The following PAFAH2 variants were observed in gnomAD, a reference collection of about 807,000 sequenced individuals.
The protein encoded by PAFAH2 is platelet-activating factor acetylhydrolase 2, cytoplasmic.
Under a neutral mutation model 49.0 loss-of-function variants are expected in PAFAH2, and 42 were observed. That is an observed-to-expected ratio of 0.86 (90% CI 0.67 to 1.11). The LOEUF (loss-of-function observed/expected upper bound fraction) is 1.11, where lower values mean the gene tolerates loss of function less well. Among genes scored for constraint, PAFAH2 ranks in the 50% least tolerant of loss-of-function variants. PAFAH2 has a pLI of 0.00. For missense variants in PAFAH2, 503 were observed against 501.8 expected (o/e 1.00, Z -0.02); for synonymous variants, 184 against 181.3 (o/e 1.01, Z -0.12).
Position 25,989,531 on chromosome 1 carries a change from G to T in PAFAH2, c.161C>A (p.Pro54His), listed in dbSNP as rs757540608. 6.2e-7 allele frequency: 1 copy of T among 1,612,930 alleles called. No homozygotes were observed. The highest frequency in any genetic ancestry group is 8.5e-7 in the Non-Finnish European group (1 of 1,179,470). The change falls in exon 3 of 11, where the codon CCC becomes CAC. Residue 54 changes from proline to histidine, a missense_variant. Physicochemically the swap from Pro to His is moderately conservative, Grantham distance 77 (BLOSUM62 -2). Transcript: ENST00000374282. ...EETMEQPLWI[P>H]RYEYCTGLAE... ...CAGGCCAGTGCAGTACTCATAGCGG[G>T]GAATCCACAGGGGCTGCTCCATGGT... is the stretch of plus-strand genomic sequence containing the variant.
intron 10 of PAFAH2, among the ~76,000 whole-genome samples, chr1:25,969,756 A>T (rs1280022503): frequency 1.3e-5 from 2 of 152,092 alleles, no homozygotes; most frequent in Non-Finnish European, 2.9e-5. Context: ...CTCAACGGGT[A>T]TTGCTTTTAA....
chr1:25,971,492 C>A (rs2049508772), intron 10 of PAFAH2, among the ~76,000 whole-genome samples: 1 of 152,054 alleles, frequency 6.6e-6, no homozygotes, highest in East Asian at 1.9e-4. Context: ...GAATAAACAG[C>A]TGCTATCAGT....
In PAFAH2 at chr1:25,962,086, GA is replaced by G. The variant is rs557233953; in HGVS notation, c.1085-4del. On this transcript the variant is annotated splice_polypyrimidine_tract_variant and splice_region_variant and intron_variant, in intron 10 of 10. Transcript: ENST00000374282. ...TTGATTATAGTCTTCTTTCAGGTCT[GA>G]AAAGGAAAAAAACAGGAACATTAGG... 2.4e-5 allele frequency: 38 copies of G among 1,608,390 alleles called. No individual in the cohort carries two copies. In the Admixed American group the frequency reaches 3.7e-4, roughly 16 times the overall value.
chr1:25,985,008 C>G (rs2049760262), intron 4 of PAFAH2, among the ~76,000 whole-genome samples: 1 of 152,078 alleles, frequency 6.6e-6, no homozygotes, highest in South Asian at 2.1e-4. Context: ...GCGTGCACCA[C>G]CATGCCCGGC....
chr1:25,997,809 G>T (rs2049957055), intron 1 of PAFAH2, among the ~76,000 whole-genome samples: 1 of 152,148 alleles, frequency 6.6e-6, no homozygotes, highest in Non-Finnish European at 1.5e-5. Context: ...GGAGCTCAGT[G>T]GGGATTCCAG....
chr1:25,988,267 G>A lies in PAFAH2; in HGVS notation c.305C>T (p.Pro102Leu), dbSNP rs200777839. 8 of 1,609,644 alleles carry A rather than the reference G, an allele frequency of 5.0e-6. No homozygotes were observed. The African/African-American group carries it at 9.4e-5, about 19-fold the overall frequency. ...GPFKTKDSGY[P>L]LIIFSHGLGA... ...TAGGCCATGGGAGAAGATGATCAAGGGGTATCCAGAGTCCTTTGTCTTAAA... is the reference window on the plus strand; with the variant it reads ...TAGGCCATGGGAGAAGATGATCAAGAGGTATCCAGAGTCCTTTGTCTTAAA... Residue 102 changes from proline to leucine, a missense_variant, in exon 4 of 11, where the codon CCC becomes CTC. Coordinates refer to ENST00000374282, the MANE Select transcript of PAFAH2 (RefSeq NM_000437.4).
intron 7 of PAFAH2, among the ~76,000 whole-genome samples, chr1:25,979,095 C>A (rs995438770): frequency 6.6e-6 from 1 of 152,214 alleles, no homozygotes; most frequent in African/African-American, 2.4e-5. Context: ...TTGATGATAT[C>A]AATTGCCACA....
chr1:25,969,722 G>A (rs1007324847), intron 10 of PAFAH2, among the ~76,000 whole-genome samples: 2 of 152,154 alleles, frequency 1.3e-5, no homozygotes, highest in African/African-American at 2.4e-5. Context: ...TCTGCTAGCA[G>A]GTTTCTAACA....
Position 25,976,755 on chromosome 1 carries a change from G to A in PAFAH2, c.685C>T (p.Arg229Cys), listed in dbSNP as rs753095919. 11 of 1,613,964 alleles carry A rather than the reference G, an allele frequency of 6.8e-6. No homozygotes were observed. Among genetic ancestry groups the A allele is most frequent in the South Asian group, 3.3e-5 (3 of 91,076 alleles). ...AATGAATGTCCCATCACAGCCACAC[G>A]GCTCATGTCAATGTTGCCCTGAGGA... is the stretch of plus-strand genomic sequence containing the variant. ...MTLKGNIDMS[R>C]VAVMGHSFGG... is the part of the protein sequence containing the mutation. The change falls in exon 8 of 11, where the codon CGT becomes TGT. Residue 229 changes from arginine (R) to cysteine (C), a missense_variant. Coordinates refer to ENST00000374282, the MANE Select transcript of PAFAH2 (RefSeq NM_000437.4).
chr1:25,982,528 C>A (rs980486721), intron 6 of PAFAH2, 51 bp from the exon 7 acceptor site: 1 of 1,360,282 alleles, frequency 7.4e-7, no homozygotes. Context: ...AACTGTCCAG[C>A]GAGAATCTCC....
At chr1:25,989,098 A>G (rs892264182) in intron 3 of PAFAH2, among the ~76,000 whole-genome samples, 11 of 152,214 alleles carry the variant, frequency 7.2e-5, no homozygotes, top group African/African-American at 2.7e-4. Context: ...AGGAGCAATC[A>G]GTGCCATTTA....
chr1:25,989,719 G>A (rs979297716), intron 2 of PAFAH2, 118 bp from the exon 3 acceptor site: 27 of 755,056 alleles, frequency 3.6e-5, no homozygotes, highest in Non-Finnish European at 4.6e-5. Context: ...CAGGGAAACT[G>A]AAGTTTCAAT....
chr1:25,990,835 A>G lies in PAFAH2; in HGVS notation c.-19T>C, dbSNP rs751662931. 30 of 1,607,960 alleles carry G rather than the reference A, an allele frequency of 1.9e-5. 1 individual carries two copies. The South Asian group carries it at 3.3e-4, about 18-fold the overall frequency. On this transcript the variant is annotated 5_prime_UTR_variant, in exon 2 of 11. Transcript: ENST00000374282. The stretch of plus-strand genomic sequence containing the variant: ...CCCCCATTTCATCACCGGGTGAATC[A>G]AATGACTTGCCGGAGCTGAACTTGC...
Position 25,989,547 on chromosome 1 carries a change from G to A in PAFAH2, c.145C>T (p.Gln49Ter). ...PCQKAEETME[Q>*]PLWIPRYEYC... ...TCATAGCGGGGAATCCACAGGGGCTGCTCCATGGTCTCCTCTGCCTTTTGG... is the reference window on the plus strand; with the variant it reads ...TCATAGCGGGGAATCCACAGGGGCTACTCCATGGTCTCCTCTGCCTTTTGG... The change falls in exon 3 of 11, where the codon CAG becomes TAG. Residue 49 changes from glutamine to a stop codon, truncating the protein, a stop_gained. Coordinates refer to ENST00000374282, the MANE Select transcript of PAFAH2 (RefSeq NM_000437.4). LOFTEE classifies it high-confidence loss of function. 2.5e-6 allele frequency: 4 copies of A among 1,612,348 alleles called. No homozygotes were observed. The Middle Eastern group carries it at 4.9e-4, about 199-fold the overall frequency.
rs2782814 is a variant in PAFAH2 at position 25,960,349 on chromosome 1, G to A, written c.*1640C>T. ...CTCTTACCTACTTGGACTGAGGCAC[G>A]AAGTCTTGAGTAGTGGAGAAGAGAG... On this transcript the variant is annotated 3_prime_UTR_variant, in exon 11 of 11. Transcript: ENST00000374282. 31,287 of 152,582 alleles carry A rather than the reference G, an allele frequency of 0.21. 3,489 individuals are homozygous for A. The highest frequency in any genetic ancestry group is 0.28 in the African/African-American group (11,615 of 41,484). The allele number at this position is 152,582 out of a possible 1,614,324, so 9.5% of individuals were successfully genotyped here.
intron 10 of PAFAH2, among the ~76,000 whole-genome samples, chr1:25,963,565 T>C (rs910445842): frequency 6.6e-6 from 1 of 152,096 alleles, no homozygotes; most frequent in African/African-American, 2.4e-5. Flanking sequence ...AGTGCAGTGG[T>C]CAATCTCGGC....
intron 10 of PAFAH2, chr1:25,964,255 C>T (rs1358804723): frequency 6.6e-6 from 1 of 152,310 alleles, no homozygotes; most frequent in African/African-American, 2.4e-5. Flanking sequence ...GAGCACGGCG[C>T]TTGCACAAGG....
chr1:25,989,230 CTT>C (rs2049835748), intron 3 of PAFAH2, among the ~76,000 whole-genome samples: 1 of 152,168 alleles, frequency 6.6e-6, no homozygotes, highest in South Asian at 2.1e-4. Flanking sequence ...TGGCTAGTAA[CTT>C]ATAAAGTCTG....
chr1:25,993,703 T>C (rs969849928), intron 1 of PAFAH2, among the ~76,000 whole-genome samples: 2 of 152,194 alleles, frequency 1.3e-5, no homozygotes, highest in African/African-American at 4.8e-5. Context: ...GGATGAGCTC[T>C]GCTTAGCCTG....
Sources: allele counts gnomAD v4.1 joint callset (sites outside exome capture counted in the v4.1 genomes callset), GRCh38; gene constraint gnomAD v4.1.1; transcripts MANE v1.5; gene names NCBI Gene and HGNC (gene_info 2026-07-23, HGNC 2026-07-21).